The following CCDC88C variants were observed in gnomAD, a reference collection of about 807,000 sequenced individuals.
CCDC88C encodes protein Daple.
Under a neutral mutation model 198.8 loss-of-function variants are expected in CCDC88C, and 131 were observed. That is an observed-to-expected ratio of 0.66 (90% CI 0.57 to 0.76). The LOEUF is 0.76. Among genes scored for constraint, CCDC88C ranks in the 30% least tolerant of loss-of-function variants. The pLI, the probability that CCDC88C is intolerant of heterozygous loss-of-function variation, is 0.00. For missense variants in CCDC88C, 2,553 were observed against 2,631.6 expected, an observed-to-expected ratio of 0.97 and a Z score of 0.65; for synonymous variants, 1,166 against 1,114.7, an observed-to-expected ratio of 1.05 and a Z score of -0.92.
chr14:91,303,526 T>G lies in CCDC88C; in HGVS notation c.3635+175A>C, dbSNP rs1164003606. Among the ~76,000 whole-genome samples the G allele has an allele frequency of 7.0e-5, 5 of 71,874 alleles. No homozygotes were observed. The East Asian group carries it at 1.9e-3, about 27-fold the overall frequency. 47.2% of individuals were successfully genotyped at this position (71,874 alleles called of 152,430 possible). ...CCCAGGCCCCACCCCTCCTCCAGGC[T>G]CTATCACTCTCCCCCAGGTCCCACC... On this transcript the variant is annotated intron_variant, in intron 20 of 29. Transcript: ENST00000389857.
chr14:91,350,686 T>C (rs1050766698), intron 4 of CCDC88C, among the ~76,000 whole-genome samples: 4 of 152,168 alleles, frequency 2.6e-5, no homozygotes, highest in African/African-American at 9.7e-5. Flanking sequence ...TCCTCTGTCT[T>C]GCTAACTCAG....
intron 3 of CCDC88C, among the ~76,000 whole-genome samples, chr14:91,402,785 G>GT (rs1354499635): frequency 5.3e-5 from 8 of 152,172 alleles, no homozygotes; most frequent in Admixed American, 5.2e-4. Context: ...GTATGTGAGT[G>GT]TTCGTTATGA....
At chr14:91,387,287 G>A (rs1057504674) in intron 3 of CCDC88C, among the ~76,000 whole-genome samples, 9 of 152,176 alleles carry the variant, frequency 5.9e-5, no homozygotes, top group Admixed American at 2.6e-4. Flanking sequence ...TCTCAGCTCC[G>A]TTCCCACAAC....
At position 91,307,183 on chromosome 14, in the gene CCDC88C, C is replaced by G. The variant is rs750475590; in HGVS notation, c.3050G>C (p.Gly1017Ala). ...CTTGAAAGAGTTCTGCAAGTGCTGCCCCTCTCCCTGGTTCTGCCTGAGGGT... is the reference window on the plus strand; with the variant it reads ...CTTGAAAGAGTTCTGCAAGTGCTGCGCCTCTCCCTGGTTCTGCCTGAGGGT... The part of the protein sequence containing the change: ...CETLRQNQGE[G>A]QHLQNSFKHP... The change falls in exon 18 of 30, where the codon GGG (glycine) becomes GCG (alanine). Residue 1017 changes from glycine (G) to alanine (A), a missense_variant. Physicochemically the swap from Gly to Ala is moderately conservative, Grantham distance 60. Around this residue, in one of 2 missense-constraint regions of CCDC88C, gnomAD observed 1,260 missense variants for 1,412.0 expected, o/e 0.89. Coordinates refer to ENST00000389857, the MANE Select transcript of CCDC88C (RefSeq NM_001080414.4). 6 of 1,613,766 alleles carry G rather than the reference C, an allele frequency of 3.7e-6. No individual in the cohort carries two copies. The East Asian group carries it at 1.1e-4, about 30-fold the overall frequency.
At chr14:91,296,682 G>C (rs1891019238) in intron 22 of CCDC88C, among the ~76,000 whole-genome samples, 1 of 152,220 alleles carries the variant, frequency 6.6e-6, no homozygotes, top group African/African-American at 2.4e-5. Flanking sequence ...AAAGGCGTCT[G>C]AGACTGTTTC....
rs774604642 is a variant in CCDC88C, at chr14:91,338,026, G to C, written c.1029C>G (p.Asp343Glu). 1.2e-5 allele frequency: 20 copies of C among 1,612,650 alleles called. No individual in the cohort carries two copies. In the East Asian group the frequency reaches 3.3e-4, roughly 27 times the overall value. The change falls in exon 10 of 30, where the codon GAC (aspartate) becomes GAG (glutamate). Residue 343 changes from aspartate to glutamate, a missense_variant. Asp to Glu is a conservative substitution (Grantham distance 45, BLOSUM62 2). Coordinates refer to ENST00000389857, the MANE Select transcript of CCDC88C (RefSeq NM_001080414.4). The surrounding 1 kb of genome is among the most constrained non-coding windows in gnomAD (Gnocchi z 4.8). ...TRCKEKLHDV[D>E]FYKARMEELR... ...CTACCTCCATGCGGGCCTTGTAGAA[G>C]TCCACGTCGTGCAGCTTCTCCTTGC...
At chr14:91,293,176 T>G (rs1415281672) in intron 23 of CCDC88C, among the ~76,000 whole-genome samples, 26 of 129,932 alleles carry the variant, frequency 2.0e-4, no homozygotes, top group Non-Finnish European at 3.3e-4. Context: ...CTTCCCATCC[T>G]CACCTGCCAC....
chr14:91,359,479 A>G (rs1894200592), intron 4 of CCDC88C, among the ~76,000 whole-genome samples, 163 bp downstream of exon 4: 1 of 152,200 alleles, frequency 6.6e-6, no homozygotes, highest in Non-Finnish European at 1.5e-5. Context: ...CCTTGGCTGA[A>G]TGCCTCAGGG....
chr14:91,338,512 CCAGCACCAG>C lies in CCDC88C; in HGVS notation c.859_867del (p.Leu287_Leu289del), dbSNP rs1284737324. 5.7e-6 allele frequency: 9 copies of C among 1,570,462 alleles called. No homozygotes were observed. The highest frequency in any genetic ancestry group is 1.4e-5 in the African/African-American group (1 of 73,564). ...ACCTCCTGCTTAACTTTCTGCAGTT[CCAGCACCAG>C]CTGGTCCACCTCATGTCTGGTGTCC... On this transcript the variant is annotated inframe_deletion, in exon 9 of 30. Transcript: ENST00000389857. This position sits in a 1 kb window ranked among gnomAD's most constrained non-coding sequence, Gnocchi z 4.8.
intron 3 of CCDC88C, among the ~76,000 whole-genome samples, chr14:91,387,100 G>T (rs749438550): frequency 1.3e-5 from 2 of 152,212 alleles, no homozygotes; most frequent in Non-Finnish European, 2.9e-5. Flanking sequence ...GCCCAAAGTG[G>T]AATCAGCTTT....
Position 91,299,935 on chromosome 14 carries a change from C to T in CCDC88C, c.3771G>A (p.Glu1257=). 1 of 1,587,052 alleles carries T rather than the reference C, an allele frequency of 6.3e-7. No homozygotes were observed. Residue 1257 remains glutamate (E), a synonymous_variant, in exon 21 of 30, where the codon GAG becomes GAA. Transcript: ENST00000389857. Reference sequence around the variant, plus strand: ...CGGGCGCCGGCGCTCACCTGTCCAGCTCGCCCCGCAGCCTCTGGTTCTCGC... The same window carrying T: ...CGGGCGCCGGCGCTCACCTGTCCAGTTCGCCCCGCAGCCTCTGGTTCTCGC... ...AMGENQRLRG[E]LDRVNFLHHQ...
intron 21 of CCDC88C, among the ~76,000 whole-genome samples, chr14:91,298,222 G>T (rs1891101515): frequency 6.6e-6 from 1 of 152,054 alleles, no homozygotes; most frequent in South Asian, 2.1e-4. Flanking sequence ...ATCGCTTGAG[G>T]CCAGTTCCAC....
chr14:91,297,295 C>G lies in CCDC88C; in HGVS notation c.3966+10G>C, dbSNP rs1388343870. 4 of 1,611,220 alleles carry G rather than the reference C, an allele frequency of 2.5e-6. No homozygotes were observed. The East Asian group carries it at 8.9e-5, about 36-fold the overall frequency. ...CCTGTCTCCCGAGGCTCCCCTGGCG[C>G]TGGCCTCACCTCACAGTGGTTGTCC... is the stretch of plus-strand genomic sequence containing the variant. On this transcript the variant is annotated intron_variant, in intron 22 of 29. Coordinates refer to ENST00000389857, the MANE Select transcript of CCDC88C (RefSeq NM_001080414.4).
At chr14:91,340,818 C>A (rs1285794) in intron 6 of CCDC88C, among the ~76,000 whole-genome samples, 1,826 of 152,148 alleles carry the variant, frequency 0.012, 30 homozygotes, top group East Asian at 0.022. Context: ...CTTGAGCAAC[C>A]TAGTAAGACC....
rs572725272 is a variant in CCDC88C at position 91,400,344 on chromosome 14, A to G, written c.270+8315T>C. Among the ~76,000 whole-genome samples, 281 of 152,376 alleles carry G rather than the reference A, an allele frequency of 1.8e-3. 11 individuals are homozygous for G. The highest frequency in any genetic ancestry group is 0.018 in the Admixed American group (278 of 15,302). ...GGGAGGAGGACGGGGGACCCCCCGC[A>G]GACCATTGCCCTCCTCAGGCACATC... On this transcript the variant is annotated intron_variant, in intron 3 of 29. Transcript: ENST00000389857.
Position 91,391,345 on chromosome 14 carries a change from T to A in CCDC88C, c.270+17314A>T, listed in dbSNP as rs1250186638. Among the ~76,000 whole-genome samples, 67 of 152,204 alleles carry A rather than the reference T, an allele frequency of 4.4e-4. 2 individuals are homozygous for A. Among genetic ancestry groups the A allele is most frequent in the Admixed American group, 4.4e-3 (67 of 15,280 alleles). The stretch of plus-strand genomic sequence containing the variant: ...AAGCTTAAAATGGTTAAGTTTTAAG[T>A]GTACAGTTCAGTGGCATTAAATACA... On this transcript the variant is annotated intron_variant, in intron 3 of 29. Coordinates refer to ENST00000389857, the MANE Select transcript of CCDC88C (RefSeq NM_001080414.4).
At chr14:91,298,876 C>T (rs935555108) in intron 21 of CCDC88C, among the ~76,000 whole-genome samples, 1 of 152,232 alleles carries the variant, frequency 6.6e-6, no homozygotes, top group Non-Finnish European at 1.5e-5. Flanking sequence ...GAGACAGGAC[C>T]TGGATTCCAT....
chr14:91,286,104 T>C (rs1890399513), intron 25 of CCDC88C, among the ~76,000 whole-genome samples: 1 of 152,200 alleles, frequency 6.6e-6, no homozygotes, highest in African/African-American at 2.4e-5. Context: ...AATTACATAC[T>C]GCCCAAGGAG....
chr14:91,341,883 G>A (rs1387114075), intron 6 of CCDC88C, among the ~76,000 whole-genome samples: 3 of 152,208 alleles, frequency 2.0e-5, no homozygotes, highest in African/African-American at 7.2e-5. Flanking sequence ...AGTTGGGGCT[G>A]GGCCAAGTCT....
Sources: allele counts gnomAD v4.1 joint callset (sites outside exome capture counted in the v4.1 genomes callset), GRCh38; gene constraint gnomAD v4.1.1; regional missense constraint gnomAD v4.1.1; non-coding constraint Gnocchi (gnomAD v3.1); transcripts MANE v1.5; gene names NCBI Gene and HGNC (gene_info 2026-07-23, HGNC 2026-07-21).